The following ZNF385D variants were observed in gnomAD, a reference collection of about 807,000 sequenced individuals.
ZNF385D encodes zinc finger protein 659.
Under a neutral mutation model 35.8 loss-of-function variants are expected in ZNF385D, and 15 were observed. That is an observed-to-expected ratio of 0.42 (90% CI 0.28 to 0.64). The LOEUF (loss-of-function observed/expected upper bound fraction) is 0.64, where lower values mean the gene tolerates loss of function less well. Ranked by LOEUF, ZNF385D falls within the 30% of genes least tolerant of loss-of-function variation. The pLI is 0.23. For synonymous variants in ZNF385D, 212 were observed against 186.8 expected, an observed-to-expected ratio of 1.13 and a Z score of -1.10; for missense variants, 474 against 494.6, an observed-to-expected ratio of 0.96 and a Z score of 0.39.
At chr3:21,958,990 G>A (rs566676497) in intron 3 of ZNF385D, 1 of 152,256 alleles carries the variant, frequency 6.6e-6, no homozygotes, top group South Asian at 2.1e-4. Context: ...AATATTACAA[G>A]ATAACATCTA....
At chr3:22,074,179 T>C (rs1377317447) in intron 3 of ZNF385D, among the ~76,000 whole-genome samples, 1 of 151,938 alleles carries the variant, frequency 6.6e-6, no homozygotes, top group Non-Finnish European at 1.5e-5. Context: ...GAAACAAGTG[T>C]CAACAGCTGT....
intron 3 of ZNF385D, among the ~76,000 whole-genome samples, chr3:21,844,761 A>G (rs966115614): frequency 6.6e-6 from 1 of 151,988 alleles, no homozygotes; most frequent in African/African-American, 2.4e-5. Context: ...ATTCTACCTG[A>G]TGCTAGTATT....
chr3:22,354,300 T>C (rs1045590871), intron 2 of ZNF385D, among the ~76,000 whole-genome samples: 2 of 152,198 alleles, frequency 1.3e-5, no homozygotes, highest in African/African-American at 4.8e-5. Context: ...TCAGTACATA[T>C]TTCAAGTAGA....
At chr3:22,187,437 A>C (rs1194637234) in intron 2 of ZNF385D, among the ~76,000 whole-genome samples, 1 of 152,032 alleles carries the variant, frequency 6.6e-6, no homozygotes, top group Non-Finnish European at 1.5e-5. Flanking sequence ...AAATATGAAA[A>C]CTTTCCTATG....
At chr3:21,881,650 T>G in intron 3 of ZNF385D, among the ~76,000 whole-genome samples, 1 of 151,990 alleles carries the variant, frequency 6.6e-6, no homozygotes, top group African/African-American at 2.4e-5. Context: ...GACTTTATAG[T>G]ATTATATTTA....
chr3:22,200,926 G>C (rs909797542), intron 2 of ZNF385D, among the ~76,000 whole-genome samples: 9 of 152,114 alleles, frequency 5.9e-5, no homozygotes, highest in African/African-American at 2.2e-4. Flanking sequence ...CAACACTGCT[G>C]TTACCCTGGT....
Position 21,737,005 on chromosome 3 carries a change from T to TGTA in ZNF385D, c.22+13889_22+13890insTAC, listed in dbSNP as rs1214811112. Among the ~76,000 whole-genome samples the TGTA allele has an allele frequency of 1.2e-4, 19 of 152,186 alleles. 1 individual carries two copies. On this transcript the variant is annotated intron_variant, in intron 1 of 7. Transcript: ENST00000281523. ...CCCAGGCTGGAGTACAGTGGCACAATCTCGGCTCACTGCAACCTCTGCCTC... is the reference window on the plus strand; with the variant it reads ...CCCAGGCTGGAGTACAGTGGCACAATGTACTCGGCTCACTGCAACCTCTGCCTC...
At chr3:21,969,554 T>C (rs1322599237) in intron 3 of ZNF385D, among the ~76,000 whole-genome samples, 1 of 152,198 alleles carries the variant, frequency 6.6e-6, no homozygotes, top group African/African-American at 2.4e-5. Flanking sequence ...ACGGACTAAT[T>C]AATACCCGCG....
At chr3:21,937,026 A>T (rs1701294292) in intron 3 of ZNF385D, among the ~76,000 whole-genome samples, 1 of 152,210 alleles carries the variant, frequency 6.6e-6, no homozygotes, top group African/African-American at 2.4e-5. Flanking sequence ...TAATAAGCAG[A>T]GAAAGAAGCA....
At chr3:21,815,790 A>C (rs2073121262) in intron 3 of ZNF385D, among the ~76,000 whole-genome samples, 1 of 152,216 alleles carries the variant, frequency 6.6e-6, no homozygotes, top group African/African-American at 2.4e-5. Context: ...AAACTATTCC[A>C]ATCAATAGAA....
chr3:22,190,435 G>C (rs1243950594), intron 2 of ZNF385D, among the ~76,000 whole-genome samples: 7 of 152,170 alleles, frequency 4.6e-5, no homozygotes, highest in Non-Finnish European at 8.8e-5. Flanking sequence ...TTTCAAATGA[G>C]TGGTAAGTTC....
chr3:21,623,864 G>A (rs1473347377), intron 2 of ZNF385D, among the ~76,000 whole-genome samples: 1 of 151,990 alleles, frequency 6.6e-6, no homozygotes, highest in African/African-American at 2.4e-5. Context: ...TCTCTTTCTT[G>A]AAAAAGTAAA....
chr3:21,525,544 C>T (rs990635919), intron 3 of ZNF385D, among the ~76,000 whole-genome samples: 2 of 151,626 alleles, frequency 1.3e-5, no homozygotes, highest in African/African-American at 2.4e-5. Context: ...ATTAGCCAGG[C>T]GTGGTGGTGC....
intron 2 of ZNF385D, among the ~76,000 whole-genome samples, chr3:22,241,887 C>T (rs902639438): frequency 6.6e-6 from 1 of 150,772 alleles, no homozygotes; most frequent in Non-Finnish European, 1.5e-5. Flanking sequence ...TACTTATTTT[C>T]ACATTTCAAC....
chr3:21,431,000 G>A (rs1310471290), intron 5 of ZNF385D: 1 of 151,978 alleles, frequency 6.6e-6, no homozygotes, highest in Non-Finnish European at 1.5e-5. Flanking sequence ...AATTCAAAGA[G>A]CACAAAAGAA....
chr3:21,559,084 G>C lies in ZNF385D; in HGVS notation c.276+5490C>G, dbSNP rs1184340247. Reference sequence around the variant, plus strand: ...GTGTTTTTACACATGAGAGTCTCCTGAATACAGCACACTGATGGTTCTTGA... The same window carrying C: ...GTGTTTTTACACATGAGAGTCTCCTCAATACAGCACACTGATGGTTCTTGA... On this transcript the variant is annotated intron_variant, in intron 3 of 7. Transcript: ENST00000281523. Among the ~76,000 whole-genome samples, 3 of 148,806 alleles carry C rather than the reference G, an allele frequency of 2.0e-5. No homozygotes were observed. The Admixed American group carries it at 2.0e-4, about 10-fold the overall frequency.
chr3:22,342,615 T>C (rs1695477068), intron 2 of ZNF385D, among the ~76,000 whole-genome samples: 1 of 152,180 alleles, frequency 6.6e-6, no homozygotes, highest in African/African-American at 2.4e-5. Context: ...TTAACCTACA[T>C]GCAACAGACA....
chr3:22,168,933 C>G, exon 3 of ZNF385D: 1 of 985,796 alleles, frequency 1.0e-6, no homozygotes, highest in African/African-American at 1.7e-5. Flanking sequence ...ACATACATTG[C>G]ACAAAGTAAA....
intron 3 of ZNF385D, among the ~76,000 whole-genome samples, chr3:21,839,734 G>T (rs1461916459): frequency 1.3e-5 from 2 of 151,982 alleles, no homozygotes; most frequent in Non-Finnish European, 2.9e-5. Context: ...ACATTTCCCA[G>T]ATGCTGTAGC....
Sources: gnomAD v4.1 joint callset for allele counts (sites outside exome capture counted in the v4.1 genomes callset) on GRCh38, gnomAD v4.1.1 for gene constraint, MANE v1.5 for transcripts, NCBI Gene and HGNC (gene_info 2026-07-23, HGNC 2026-07-21) for gene names.